Variants in VSTM2L observed in about 807,000 individuals in gnomAD.
VSTM2L encodes V-set and transmembrane domain-containing protein 2-like protein.
VSTM2L carries 9 observed loss-of-function variants against 19.9 expected under a neutral mutation model. The observed-to-expected ratio is 0.45, with a 90% confidence interval of 0.27 to 0.79. The LOEUF (loss-of-function observed/expected upper bound fraction) is 0.79. VSTM2L is among the 30% of genes least tolerant of loss of function. The pLI, the probability that VSTM2L is intolerant of heterozygous loss-of-function variation, is 0.15. For missense variants in VSTM2L, 286 were observed against 295.5 expected (o/e 0.97, Z 0.24); for synonymous variants, 127 against 133.8 (o/e 0.95, Z 0.35).
At chr20:37,914,146 T>TGCGTGTGTGTATGTGTGTG (rs1333451778) in intron 1 of VSTM2L, among the ~76,000 whole-genome samples, 5 of 151,584 alleles carry the variant, frequency 3.3e-5, no homozygotes, top group Non-Finnish European at 7.4e-5. Flanking sequence ...AATGTGTGTG[T>TGCGTGTGTGTATGTGTGTG]GCGTGTGTGT....
At chr20:37,920,431 A>T (rs2122953520) in intron 1 of VSTM2L, among the ~76,000 whole-genome samples, 1 of 152,350 alleles carries the variant, frequency 6.6e-6, no homozygotes, top group Non-Finnish European at 1.5e-5. Context: ...CTACTGGCGA[A>T]GCAGCCACCC....
chr20:37,903,127 G>A lies in VSTM2L; in HGVS notation c.-224G>A. ...GCCTTCCGCGGAAGGGAAGAGTCCC[G>A]CAGTCGGAGGCGGCCGGCTGGGCGT... On this transcript the variant is annotated 5_prime_UTR_variant, in exon 1 of 4. Coordinates refer to ENST00000373461, the MANE Select transcript of VSTM2L (RefSeq NM_080607.3). 1 of 424,974 alleles carries A rather than the reference G, an allele frequency of 2.4e-6. No individual in the cohort carries two copies. The highest frequency in any genetic ancestry group is 4.8e-5 in the East Asian group (1 of 20,678). 26.3% of individuals were successfully genotyped at this position (424,974 alleles called of 1,614,324 possible).
intron 3 of VSTM2L, among the ~76,000 whole-genome samples, chr20:37,943,000 T>A (rs1044633002): frequency 6.6e-6 from 1 of 152,240 alleles, no homozygotes; most frequent in Non-Finnish European, 1.5e-5. Context: ...AGTCTCGCGC[T>A]GTCGCCCAGG....
At chr20:37,903,904 C>T (rs975847416) in intron 1 of VSTM2L, among the ~76,000 whole-genome samples, 2 of 152,342 alleles carry the variant, frequency 1.3e-5, no homozygotes, top group South Asian at 2.1e-4. Context: ...GCACACGCTT[C>T]GCCACAACTC....
chr20:37,904,397 G>A (rs2072739762), intron 1 of VSTM2L, among the ~76,000 whole-genome samples: 1 of 152,222 alleles, frequency 6.6e-6, no homozygotes, highest in Non-Finnish European at 1.5e-5. Flanking sequence ...GTGGAAGCCG[G>A]GGAGCAGACA....
intron 1 of VSTM2L, among the ~76,000 whole-genome samples, chr20:37,908,886 T>C (rs949573770): frequency 3.3e-5 from 5 of 152,218 alleles, no homozygotes; most frequent in Non-Finnish European, 7.3e-5. Flanking sequence ...GCCAGGGCCT[T>C]GAATGGTATC....
intron 1 of VSTM2L, among the ~76,000 whole-genome samples, chr20:37,914,637 C>T (rs996908565): frequency 6.6e-6 from 1 of 152,044 alleles, no homozygotes; most frequent in Admixed American, 6.6e-5. Context: ...TCCTGGCTCC[C>T]CTGTGCTCCA....
chr20:37,936,714 C>A (rs538323310), intron 3 of VSTM2L, among the ~76,000 whole-genome samples: 83 of 152,280 alleles, frequency 5.5e-4, no homozygotes, highest in African/African-American at 1.9e-3. Context: ...GGAGCTGAGT[C>A]CTGGTTCCAG....
intron 1 of VSTM2L, among the ~76,000 whole-genome samples, chr20:37,921,844 T>TC: frequency 7.5e-6 from 1 of 133,840 alleles, no homozygotes; most frequent in Non-Finnish European, 1.6e-5. Context: ...TTTCCTTTTT[T>TC]TTTTTTTTTT....
In VSTM2L at chr20:37,932,879, G is replaced by A. The variant is rs144798846; in HGVS notation, c.292-660G>A. Among the ~76,000 whole-genome samples, 13 of 152,236 alleles carry A rather than the reference G, an allele frequency of 8.5e-5. No individual in the cohort carries two copies. In the East Asian group the frequency reaches 1.2e-3, roughly 14 times the overall value. The stretch of plus-strand genomic sequence containing the variant: ...TATATCTGCACACATTCACAAACAC[G>A]CATTGGCACACTCATACACTCCCCA... On this transcript the variant is annotated intron_variant, in intron 2 of 3. Transcript: ENST00000373461.
intron 3 of VSTM2L, among the ~76,000 whole-genome samples, chr20:37,934,469 G>A (rs925419053): frequency 5.2e-4 from 79 of 152,336 alleles, no homozygotes; most frequent in Middle Eastern, 3.4e-3. Context: ...ACATCTACCA[G>A]CAACACACTC....
In VSTM2L at chr20:37,930,926, G is replaced by T. The variant is rs78248100; in HGVS notation, c.122-709G>T. Among the ~76,000 whole-genome samples, 1,099 of 152,326 alleles carry T rather than the reference G, an allele frequency of 7.2e-3. 14 individuals carry two copies. The highest frequency in any genetic ancestry group is 0.024 in the African/African-American group (985 of 41,584). Reference sequence around the variant, plus strand: ...GCAACAGGGCAGGGCAGGAGGTGGGGGACCTTCTCGGGATCCTCAAGGAGG... The same window carrying T: ...GCAACAGGGCAGGGCAGGAGGTGGGTGACCTTCTCGGGATCCTCAAGGAGG... On this transcript the variant is annotated intron_variant, in intron 1 of 3. Coordinates refer to ENST00000373461, the MANE Select transcript of VSTM2L (RefSeq NM_080607.3).
intron 1 of VSTM2L, among the ~76,000 whole-genome samples, chr20:37,924,313 G>A (rs1462937881): frequency 6.6e-6 from 1 of 152,090 alleles, no homozygotes; most frequent in African/African-American, 2.4e-5. Context: ...AGCACTTTGG[G>A]AGGCCGAGGT....
intron 1 of VSTM2L, among the ~76,000 whole-genome samples, chr20:37,907,808 A>C (rs1452658751): frequency 6.6e-6 from 1 of 152,140 alleles, no homozygotes; most frequent in Admixed American, 6.5e-5. Flanking sequence ...CTCTGTTGCC[A>C]GGAGGGACCA....
chr20:37,903,493 G>A (rs1390483723), intron 1 of VSTM2L, 22 bp downstream of exon 1: 3 of 1,462,936 alleles, frequency 2.1e-6, no homozygotes, highest in Admixed American at 2.5e-5. Flanking sequence ...CGCCGCCCCC[G>A]CGGACTTCCC....
At position 37,928,590 on chromosome 20, in the gene VSTM2L, C is replaced by G. The variant is rs904113775; in HGVS notation, c.122-3045C>G. On this transcript the variant is annotated intron_variant, in intron 1 of 3. Coordinates refer to ENST00000373461, the MANE Select transcript of VSTM2L (RefSeq NM_080607.3). ...GGCAAAAAGCAAGACCGTGTCTCTA[C>G]AAAAAATTTGAAAAACTAGTTGGGC... 2.0e-5 allele frequency among the ~76,000 whole-genome samples: 3 copies of G among 152,280 alleles called. No individual in the cohort carries two copies. In the East Asian group the frequency reaches 5.8e-4, roughly 29 times the overall value.
chr20:37,935,357 AG>A (rs1340876016), intron 3 of VSTM2L, among the ~76,000 whole-genome samples: 1 of 152,130 alleles, frequency 6.6e-6, no homozygotes, highest in Non-Finnish European at 1.5e-5. Context: ...CCTAATACAC[AG>A]GTACTCCCTG....
At chr20:37,943,633 TTTGTTTACA>T in intron 3 of VSTM2L, among the ~76,000 whole-genome samples, 1 of 152,082 alleles carries the variant, frequency 6.6e-6, no homozygotes, top group South Asian at 2.1e-4. Context: ...GGTGTCTGTG[TTTGTTTACA>T]TAAATGGCAT....
At chr20:37,914,699 C>T (rs547792230) in intron 1 of VSTM2L, among the ~76,000 whole-genome samples, 1 of 152,272 alleles carries the variant, frequency 6.6e-6, no homozygotes, top group Admixed American at 6.5e-5. Context: ...CCGCATCGCA[C>T]GGCCCGCAGC....
Sources: allele counts gnomAD v4.1 joint callset (sites outside exome capture counted in the v4.1 genomes callset), GRCh38; gene constraint gnomAD v4.1.1; transcripts MANE v1.5; gene names NCBI Gene and HGNC (gene_info 2026-07-23, HGNC 2026-07-21).